KCNK2: variants seen among roughly 807,000 people sequenced by gnomAD.
KCNK2 encodes potassium channel subfamily K member 2.
KCNK2 carries 21 observed loss-of-function variants against 40.5 expected under a neutral mutation model. The observed-to-expected ratio is 0.52, with a 90% CI of 0.37 to 0.75. The LOEUF (loss-of-function observed/expected upper bound fraction) is 0.75, where lower values mean the gene tolerates loss of function less well. Ranked by LOEUF, KCNK2 falls within the 30% of genes least tolerant of loss-of-function variation. The pLI, the probability that KCNK2 is intolerant of heterozygous loss-of-function variation, is 0.00. For synonymous variants in KCNK2, 191 were observed against 202.2 expected (o/e 0.94, Z 0.47); for missense variants, 399 against 531.6 (o/e 0.75, Z 2.45).
In KCNK2 at chr1:215,086,477, G is replaced by A. The variant is rs143815885; in HGVS notation, c.156G>A (p.Thr52=). The A allele has an allele frequency of 5.0e-6, 8 of 1,613,890 alleles. No homozygotes were observed. In the African/African-American group the frequency reaches 8.0e-5, roughly 16 times the overall value. Residue 52 remains threonine, a synonymous_variant, in exon 2 of 7, where the codon ACG becomes ACA. Transcript: ENST00000444842. ...TVLASRVESD[T]TINVMKWKTV... is the part of the protein sequence containing the mutation. Reference sequence around the variant, plus strand: ...TTGCTTCCCGGGTGGAGAGTGACACGACCATTAATGTTATGAAATGGAAGA... The same window carrying A: ...TTGCTTCCCGGGTGGAGAGTGACACAACCATTAATGTTATGAAATGGAAGA...
At chr1:215,113,754 C>G (rs1007077707) in intron 2 of KCNK2, among the ~76,000 whole-genome samples, 1 of 152,126 alleles carries the variant, frequency 6.6e-6, no homozygotes, top group Non-Finnish European at 1.5e-5. Context: ...CAACACCACG[C>G]CCAGATAACT....
At chr1:215,041,400 A>G (rs902492946) in intron 1 of KCNK2, among the ~76,000 whole-genome samples, 1 of 152,160 alleles carries the variant, frequency 6.6e-6, no homozygotes, top group African/African-American at 2.4e-5. Context: ...AGAGGAGCTC[A>G]AAAGTATAAA....
At chr1:215,179,545 T>C (rs908730502) in intron 5 of KCNK2, among the ~76,000 whole-genome samples, 13 of 152,230 alleles carry the variant, frequency 8.5e-5, no homozygotes, top group Middle Eastern at 3.4e-3. Context: ...TTTTGCTGTA[T>C]ATTGTATATT....
chr1:215,177,740 A>ATTTTTTTTTTTTTT (rs375712483), intron 5 of KCNK2, among the ~76,000 whole-genome samples: 1 of 101,600 alleles, frequency 9.8e-6, no homozygotes, highest in Non-Finnish European at 2.0e-5. Flanking sequence ...ATATATATAT[A>ATTTTTTTTTTTTTT]TTTTTTTTTT....
chr1:215,072,341 G>A (rs746141249), intron 1 of KCNK2, among the ~76,000 whole-genome samples: 14 of 152,228 alleles, frequency 9.2e-5, no homozygotes, highest in Non-Finnish European at 1.5e-4. Context: ...TGAATGAGAA[G>A]CAAGTTATGT....
At chr1:215,200,295 T>C (rs549802583) in intron 6 of KCNK2, among the ~76,000 whole-genome samples, 2 of 152,320 alleles carry the variant, frequency 1.3e-5, no homozygotes, top group Non-Finnish European at 2.9e-5. Context: ...TTTGTTTTGC[T>C]AATTACCTGG....
intron 1 of KCNK2, among the ~76,000 whole-genome samples, chr1:215,023,384 G>T (rs1656880694): frequency 6.6e-6 from 1 of 152,170 alleles, no homozygotes; most frequent in Non-Finnish European, 1.5e-5. Flanking sequence ...GAATGTGCCA[G>T]TTCAGTAATC....
intron 3 of KCNK2, among the ~76,000 whole-genome samples, chr1:215,158,263 T>C (rs1663019151): frequency 6.6e-6 from 1 of 152,288 alleles, no homozygotes; most frequent in Admixed American, 6.5e-5. Flanking sequence ...TGTCTCCATT[T>C]TGTGGTCAGT....
At chr1:215,234,483 A>T (rs74326027) in intron 6 of KCNK2, among the ~76,000 whole-genome samples, 28,203 of 152,138 alleles carry the variant, frequency 0.19, 3,103 homozygotes, top group South Asian at 0.46. Context: ...AAGTGAAAAA[A>T]ATACTAAAAA....
In KCNK2 at chr1:215,142,566, G is replaced by T. The variant is rs571832048; in HGVS notation, c.475+17816G>T. Reference sequence around the variant, plus strand: ...TGATCTTTCTTTTCTGTTTTTTTACGTTACTTGTTTTTACTTTGGATTGGT... The same window carrying T: ...TGATCTTTCTTTTCTGTTTTTTTACTTTACTTGTTTTTACTTTGGATTGGT... On this transcript the variant is annotated intron_variant, in intron 3 of 6. Transcript: ENST00000444842. Among the ~76,000 whole-genome samples, 3 of 152,084 alleles carry T rather than the reference G, an allele frequency of 2.0e-5. No individual in the cohort carries two copies. In the South Asian group the frequency reaches 6.2e-4, roughly 32 times the overall value.
chr1:215,150,844 A>C (rs1662656341), intron 3 of KCNK2, among the ~76,000 whole-genome samples: 1 of 151,918 alleles, frequency 6.6e-6, no homozygotes, highest in South Asian at 2.1e-4. Flanking sequence ...TAAAATAATT[A>C]TATTTTTATT....
At chr1:215,014,508 G>T (rs575376345) in intron 1 of KCNK2, among the ~76,000 whole-genome samples, 3 of 151,830 alleles carry the variant, frequency 2.0e-5, no homozygotes, top group Admixed American at 2.0e-4. Flanking sequence ...AGAGAAATTA[G>T]TGATCAGCTG....
At chr1:215,065,531 T>C (rs993258557) in intron 1 of KCNK2, among the ~76,000 whole-genome samples, 2 of 152,204 alleles carry the variant, frequency 1.3e-5, no homozygotes, top group African/African-American at 4.8e-5. Flanking sequence ...GTCTTGTTAC[T>C]GACTAGAGGT....
At chr1:215,190,935 A>G (rs1664638481) in intron 5 of KCNK2, among the ~76,000 whole-genome samples, 1 of 151,290 alleles carries the variant, frequency 6.6e-6, no homozygotes, top group Non-Finnish European at 1.5e-5. Context: ...GAGCATATTA[A>G]CTGGGTTAGG....
At chr1:215,149,360 G>A (rs147977014) in intron 3 of KCNK2, among the ~76,000 whole-genome samples, 6 of 152,088 alleles carry the variant, frequency 3.9e-5, no homozygotes, top group Non-Finnish European at 7.4e-5. Flanking sequence ...ATGAGTGTTC[G>A]GGAGAAGGAA....
At chr1:215,162,893 A>T in intron 3 of KCNK2, among the ~76,000 whole-genome samples, 1 of 147,992 alleles carries the variant, frequency 6.8e-6, no homozygotes, top group African/African-American at 2.5e-5. Flanking sequence ...TTTTATTAGG[A>T]TCGTCTTGGC....
intron 6 of KCNK2, among the ~76,000 whole-genome samples, chr1:215,211,906 G>C (rs1042036023): frequency 4.6e-5 from 7 of 151,868 alleles, no homozygotes; most frequent in Non-Finnish European, 1.0e-4. Flanking sequence ...GAACCAAACT[G>C]TACTTATTTT....
At chr1:215,006,014 T>C in intron 1 of KCNK2, 1 of 1,373,904 alleles carries the variant, frequency 7.3e-7, no homozygotes, top group Non-Finnish European at 1.0e-6. Context: ...TAGAGTAGGC[T>C]GAGTAGATTT....
At position 215,203,425 on chromosome 1, in the gene KCNK2, T is replaced by C. The variant is rs139920415; in HGVS notation, c.963+8333T>C. On this transcript the variant is annotated intron_variant, in intron 6 of 6. Coordinates refer to ENST00000444842, the MANE Select transcript of KCNK2 (RefSeq NM_001017425.3). ...CTGTGACGATGTGGTGAGGAGTGTA[T>C]GTGATGTGGCTGAATGCTTACTGAA... Among the ~76,000 whole-genome samples, 284 of 152,266 alleles carry C rather than the reference T, an allele frequency of 1.9e-3. 1 individual carries two copies. The highest frequency in any genetic ancestry group is 6.7e-3 in the African/African-American group (277 of 41,540).
Sources: gnomAD v4.1 joint callset for allele counts (sites outside exome capture counted in the v4.1 genomes callset) on GRCh38, gnomAD v4.1.1 for gene constraint, MANE v1.5 for transcripts, NCBI Gene and HGNC (gene_info 2026-07-23, HGNC 2026-07-21) for gene names.